The following ZFR2 variants were observed in gnomAD, a reference collection of about 807,000 sequenced individuals.
ZFR2 encodes zinc finger RNA binding protein 2.
ZFR2 carries 104 observed loss-of-function variants against 105.7 expected under a neutral mutation model. That is an observed-to-expected ratio of 0.98 (90% confidence interval 0.84 to 1.16). ZFR2 has a LOEUF of 1.16. Among genes scored for constraint, ZFR2 ranks in the 50% most tolerant of loss-of-function variants. The probability of loss-of-function intolerance (pLI) is 0.00; values close to 1 mark genes in which losing one functional copy is unlikely to be tolerated. For synonymous variants in ZFR2, 634 were observed against 597.7 expected, an observed-to-expected ratio of 1.06 and a Z score of -0.89; for missense variants, 1,425 against 1,355.5, an observed-to-expected ratio of 1.05 and a Z score of -0.80.
At chr19:3,845,219 A>C (rs1254317453) in intron 1 of ZFR2, among the ~76,000 whole-genome samples, 6 of 152,132 alleles carry the variant, frequency 3.9e-5, no homozygotes, top group Admixed American at 1.3e-4. Flanking sequence ...ATTAAGTTTA[A>C]TTCATTTCAA....
rs2038335267 is a variant in ZFR2 at position 3,858,633 on chromosome 19, C to CA, written c.53+10331dup. ...AGGAGTTCAAGACCAGCCTGGACAACATGGTGAAACCCAGTCTCTACTAAA... is the reference window on the plus strand; with the variant it reads ...AGGAGTTCAAGACCAGCCTGGACAACAATGGTGAAACCCAGTCTCTACTAAA... On this transcript the variant is annotated intron_variant, in intron 1 of 18. Coordinates refer to ENST00000262961, the MANE Select transcript of ZFR2 (RefSeq NM_015174.2). The surrounding 1 kb of genome is among the most constrained non-coding windows in gnomAD (Gnocchi z 4.3). Among the ~76,000 whole-genome samples the CA allele has an allele frequency of 1.3e-5, 2 of 152,154 alleles. No individual in the cohort carries two copies. Among genetic ancestry groups the CA allele is most frequent in the Admixed American group, 1.3e-4 (2 of 15,270 alleles).
At chr19:3,826,705 C>G (rs539721274) in intron 6 of ZFR2, among the ~76,000 whole-genome samples, 1 of 151,796 alleles carries the variant, frequency 6.6e-6, no homozygotes, top group South Asian at 2.1e-4. Flanking sequence ...CCCAAAGTGC[C>G]GGGATTACAG....
rs1001254006 is a variant in ZFR2 at position 3,831,735 on chromosome 19, G to A, written c.523C>T (p.Gln175Ter). The change falls in exon 4 of 19, where the codon CAG becomes TAG. Residue 175 changes from glutamine to a stop codon, truncating the protein, a stop_gained. Coordinates refer to ENST00000262961, the MANE Select transcript of ZFR2 (RefSeq NM_015174.2). LOFTEE classifies it high-confidence loss of function. ...GYTYPTATGV[Q>*]PESSASIVTS... Reference sequence around the variant, plus strand: ...ACGATGGAAGCTGACGACTCGGGCTGGACGCCTGTCGCCGTGGGGTAGGTG... The same window carrying A: ...ACGATGGAAGCTGACGACTCGGGCTAGACGCCTGTCGCCGTGGGGTAGGTG... 1 of 1,605,048 alleles carries A rather than the reference G, an allele frequency of 6.2e-7. No individual in the cohort carries two copies. Among genetic ancestry groups the A allele is most frequent in the South Asian group, 1.1e-5 (1 of 89,618 alleles).
At chr19:3,845,002 A>G (rs1454982017) in intron 1 of ZFR2, among the ~76,000 whole-genome samples, 1 of 90,834 alleles carries the variant, frequency 1.1e-5, no homozygotes, top group Non-Finnish European at 2.1e-5. Flanking sequence ...GGCTTCAGCA[A>G]CACAGACTTA....
In ZFR2 at chr19:3,834,895, C is replaced by G. The variant is rs1453534566; in HGVS notation, c.142G>C (p.Ala48Pro). ...TPGMDPAVNP[A>P]FPPAAPAGYG... ...CCTGCCGGGGCAGCTGGGGGAAAGG[C>G]CGGGTTCACGGCAGGGTCCATCCCA... Residue 48 changes from alanine (A) to proline (P), a missense_variant, in exon 2 of 19, where the codon GCC (alanine) becomes CCC (proline). By Grantham distance (27) the Ala-to-Pro change is conservative (BLOSUM62 -1). Coordinates refer to ENST00000262961, the MANE Select transcript of ZFR2 (RefSeq NM_015174.2). The surrounding 1 kb of genome is among the most constrained non-coding windows in gnomAD (Gnocchi z 5.3). 1 of 1,611,740 alleles carries G rather than the reference C, an allele frequency of 6.2e-7. No individual in the cohort carries two copies. The highest frequency in any genetic ancestry group is 1.1e-5 in the South Asian group (1 of 90,642).
intron 13 of ZFR2, 70 bp downstream of exon 13, chr19:3,816,604 G>A (rs919608252): frequency 3.3e-5 from 50 of 1,529,198 alleles, no homozygotes; most frequent in African/African-American, 1.1e-4. Context: ...ATCTAGGAGC[G>A]CAAGGGGCTG....
chr19:3,809,597 C>G (rs1255185862), intron 16 of ZFR2, among the ~76,000 whole-genome samples: 3 of 152,192 alleles, frequency 2.0e-5, no homozygotes, highest in African/African-American at 7.2e-5. Flanking sequence ...TCACCCAGCA[C>G]GGAGGCTACT....
intron 1 of ZFR2, among the ~76,000 whole-genome samples, chr19:3,845,725 G>A (rs1290816941): frequency 6.6e-6 from 1 of 152,012 alleles, no homozygotes; most frequent in African/African-American, 2.4e-5. Context: ...AGCCCAGGAG[G>A]TCAAGGCTGC....
At chr19:3,820,363 T>G (rs1178742727) in intron 10 of ZFR2, 73 bp from the exon 11 acceptor site, 7 of 1,361,246 alleles carry the variant, frequency 5.1e-6, no homozygotes, top group Admixed American at 2.6e-5. Context: ...TCAGAAACAC[T>G]GGGGCCTTAT....
intron 1 of ZFR2, among the ~76,000 whole-genome samples, chr19:3,867,556 C>T (rs1359225451): frequency 1.3e-5 from 2 of 151,918 alleles, no homozygotes; most frequent in Non-Finnish European, 2.9e-5. Flanking sequence ...CTCCAGGATC[C>T]TTTCTCTCCC....
Position 3,820,174 on chromosome 19 carries a change from G to T in ZFR2, c.1740+8C>A. On this transcript the variant is annotated splice_region_variant and intron_variant, in intron 11 of 18. Transcript: ENST00000262961. ...CCCGCGTTTGCACACAGAGGAAACT[G>T]TACCTACCTGGAGTGGGGCGCTGGC... 1 of 1,551,376 alleles carries T rather than the reference G, an allele frequency of 6.4e-7. No individual in the cohort carries two copies. The highest frequency in any genetic ancestry group is 8.7e-7 in the Non-Finnish European group (1 of 1,147,104).
intron 17 of ZFR2, among the ~76,000 whole-genome samples, chr19:3,808,395 C>T (rs569748515): frequency 6.6e-6 from 1 of 152,242 alleles, no homozygotes; most frequent in African/African-American, 2.4e-5. Context: ...CGTATCTGGC[C>T]GCCACCCTCT....
At chr19:3,832,440 G>C (rs968723932) in intron 3 of ZFR2, among the ~76,000 whole-genome samples, 2 of 151,440 alleles carry the variant, frequency 1.3e-5, no homozygotes, top group African/African-American at 4.9e-5. Context: ...TCCTGCCTCA[G>C]CCTCCCGAAT....
At position 3,858,549 on chromosome 19, in the gene ZFR2, G is replaced by A. The variant is rs762702035; in HGVS notation, c.53+10416C>T. On this transcript the variant is annotated intron_variant, in intron 1 of 18. Coordinates refer to ENST00000262961, the MANE Select transcript of ZFR2 (RefSeq NM_015174.2). This position sits in a 1 kb window ranked among gnomAD's most constrained non-coding sequence, Gnocchi z 4.3. ...AAACAAGGACTCAGTCAGGTGCAGT[G>A]GCTCACGCCTATAATCCCAGTGCTT... is the stretch of plus-strand genomic sequence containing the variant. Among the ~76,000 whole-genome samples, 3 of 152,222 alleles carry A rather than the reference G, an allele frequency of 2.0e-5. No homozygotes were observed. The highest frequency in any genetic ancestry group is 1.3e-4 in the Admixed American group (2 of 15,276).
rs1167519428 is a variant in ZFR2 at position 3,808,955 on chromosome 19, A to T, written c.2462T>A (p.Val821Glu). Residue 821 changes from valine to glutamate, a missense_variant, in exon 17 of 19, where the codon GTG becomes GAG. Transcript: ENST00000262961. ...WAMELLVEKA[V>E]SSAAGPLGPG... is the part of the protein sequence containing the mutation. ...GCCCAGGGGCCCAGCCGCACTGCTCACAGCCTTCTCCACCAGCAGCTCCAT... is the reference window on the plus strand; with the variant it reads ...GCCCAGGGGCCCAGCCGCACTGCTCTCAGCCTTCTCCACCAGCAGCTCCAT... 5.7e-6 allele frequency: 9 copies of T among 1,569,224 alleles called. No individual in the cohort carries two copies. The highest frequency in any genetic ancestry group is 7.8e-6 in the Non-Finnish European group (9 of 1,159,740).
intron 1 of ZFR2, among the ~76,000 whole-genome samples, chr19:3,836,356 G>A (rs1027923790): frequency 1.3e-5 from 2 of 152,126 alleles, no homozygotes; most frequent in South Asian, 2.1e-4. Context: ...AAAGGGTCTC[G>A]CTCTGTCACC....
intron 1 of ZFR2, among the ~76,000 whole-genome samples, chr19:3,860,960 T>C (rs2038366718): frequency 6.6e-6 from 1 of 152,030 alleles, no homozygotes; most frequent in African/African-American, 2.4e-5. Flanking sequence ...ACCACCAACC[T>C]GGACTCAACC....
At chr19:3,847,718 C>T (rs913490907) in intron 1 of ZFR2, among the ~76,000 whole-genome samples, 1 of 152,172 alleles carries the variant, frequency 6.6e-6, no homozygotes, top group Admixed American at 6.5e-5. Flanking sequence ...GACTGCCTCA[C>T]GTTGTTTCCA....
intron 14 of ZFR2, among the ~76,000 whole-genome samples, chr19:3,812,757 A>G (rs2037779747): frequency 1.3e-5 from 2 of 152,118 alleles, no homozygotes; most frequent in East Asian, 1.9e-4. Flanking sequence ...GCTCTTATTA[A>G]AAAACAAAAC....
Sources: allele counts gnomAD v4.1 joint callset (sites outside exome capture counted in the v4.1 genomes callset), GRCh38; gene constraint gnomAD v4.1.1; non-coding constraint Gnocchi (gnomAD v3.1); transcripts MANE v1.5; gene names NCBI Gene and HGNC (gene_info 2026-07-23, HGNC 2026-07-21).